SLC12A1: variants seen among roughly 807,000 people sequenced by gnomAD.
SLC12A1 encodes the protein Na-K-2Cl cotransporter.
SLC12A1 carries 89 observed loss-of-function variants against 130.4 expected under a neutral mutation model. The observed-to-expected ratio is 0.68, with a 90% CI of 0.58 to 0.81. The LOEUF is 0.81. Ranked by LOEUF, SLC12A1 falls within the 40% of genes least tolerant of loss-of-function variation. The pLI is 0.00. For missense variants in SLC12A1, 1,310 were observed against 1,336.4 expected, an observed-to-expected ratio of 0.98 and a Z score of 0.31; for synonymous variants, 499 against 460.0, an observed-to-expected ratio of 1.08 and a Z score of -1.09.
At chr15:48,227,576 C>T (rs571000122) in intron 5 of SLC12A1, 11 of 202,788 alleles carry the variant, frequency 5.4e-5, no homozygotes, top group African/African-American at 1.2e-4. Context: ...ACCCAGGCCT[C>T]GGGGCTCACC....
At chr15:48,272,910 C>T (rs80015449) in intron 19 of SLC12A1, among the ~76,000 whole-genome samples, 3 of 151,804 alleles carry the variant, frequency 2.0e-5, no homozygotes, top group East Asian at 2.0e-4. Flanking sequence ...GAGTTTGAGA[C>T]GAACCTGGTC....
At chr15:48,269,210 AATAAC>A (rs1360586375) in intron 18 of SLC12A1, among the ~76,000 whole-genome samples, 7 of 152,214 alleles carry the variant, frequency 4.6e-5, no homozygotes, top group African/African-American at 1.2e-4. Context: ...CTCTTCAATA[AATAAC>A]ATAAGTAGAG....
At chr15:48,232,264 C>T (rs138000960) in intron 7 of SLC12A1, among the ~76,000 whole-genome samples, 5 of 152,214 alleles carry the variant, frequency 3.3e-5, no homozygotes, top group African/African-American at 1.2e-4. Flanking sequence ...ACAGCGGCAG[C>T]CTGACGTCAA....
intron 15 of SLC12A1, among the ~76,000 whole-genome samples, chr15:48,252,274 A>C (rs2041657337): frequency 6.6e-6 from 1 of 152,212 alleles, no homozygotes; most frequent in African/African-American, 2.4e-5. Flanking sequence ...CCATGCACTC[A>C]TTCAATCATC....
chr15:48,293,491 G>C (rs188345395), intron 24 of SLC12A1, among the ~76,000 whole-genome samples: 205 of 152,278 alleles, frequency 1.3e-3, no homozygotes, highest in Non-Finnish European at 1.7e-3. Flanking sequence ...TCACGGTTCT[G>C]TCAGATCTCT....
chr15:48,275,279 C>T (rs1566851992), intron 20 of SLC12A1, among the ~76,000 whole-genome samples: 1 of 152,192 alleles, frequency 6.6e-6, no homozygotes, highest in African/African-American at 2.4e-5. Flanking sequence ...TTTCCCTCTT[C>T]CGCTGAGCTT....
At chr15:48,282,919 T>A (rs1175404219) in intron 20 of SLC12A1, among the ~76,000 whole-genome samples, 1 of 152,164 alleles carries the variant, frequency 6.6e-6, no homozygotes, top group African/African-American at 2.4e-5. Flanking sequence ...ATGAACCCTG[T>A]AACTTGCTGG....
At chr15:48,277,494 A>T (rs959809124) in intron 20 of SLC12A1, among the ~76,000 whole-genome samples, 5 of 152,172 alleles carry the variant, frequency 3.3e-5, no homozygotes, top group Non-Finnish European at 7.4e-5. Context: ...AAAGCAAGAG[A>T]GGAATGGTTT....
intron 2 of SLC12A1, among the ~76,000 whole-genome samples, chr15:48,208,823 T>G (rs920462669): frequency 1.3e-5 from 2 of 152,230 alleles, no homozygotes; most frequent in African/African-American, 4.8e-5. Flanking sequence ...TAGTTAATAC[T>G]GTGGGTGACA....
intron 9 of SLC12A1, among the ~76,000 whole-genome samples, chr15:48,236,019 A>C (rs190893365): frequency 1.3e-5 from 2 of 152,268 alleles, no homozygotes; most frequent in African/African-American, 4.8e-5. Flanking sequence ...ACATGCCCAG[A>C]TAAAATTTTA....
chr15:48,285,169 G>A lies in SLC12A1; in HGVS notation c.2549G>A (p.Cys850Tyr), dbSNP rs950815434. ...ALEATIKDNE[C>Y]EEESGGIRGL... ...GAAGCGACTATCAAAGATAATGAGTGTGAAGAGGAAAGTGGAGGCATCCGA... is the reference window on the plus strand; with the variant it reads ...GAAGCGACTATCAAAGATAATGAGTATGAAGAGGAAAGTGGAGGCATCCGA... Residue 850 changes from cysteine to tyrosine, a missense_variant, in exon 21 of 27, where the codon TGT becomes TAT. Transcript: ENST00000380993. 6 of 1,613,686 alleles carry A rather than the reference G, an allele frequency of 3.7e-6. No individual in the cohort carries two copies. The highest frequency in any genetic ancestry group is 5.1e-6 in the Non-Finnish European group (6 of 1,179,674).
Position 48,207,693 on chromosome 15 carries a change from A to T in SLC12A1, c.-27A>T. Reference sequence around the variant, plus strand: ...TTTTTAAAACAACCACAAAGTAGATAGCTCAGTAAAAAATCAATTTTGGAA... The same window carrying T: ...TTTTTAAAACAACCACAAAGTAGATTGCTCAGTAAAAAATCAATTTTGGAA... On this transcript the variant is annotated 5_prime_UTR_variant, in exon 2 of 27. An upstream open reading frame in the 5' UTR loses its in-frame stop. Transcript: ENST00000380993. 6.6e-7 allele frequency: 1 copy of T among 1,517,702 alleles called. No individual in the cohort carries two copies. Among genetic ancestry groups the T allele is most frequent in the Non-Finnish European group, 8.8e-7 (1 of 1,134,704 alleles). 94.0% of individuals were successfully genotyped at this position (1,517,702 alleles called of 1,614,324 possible). A position where few individuals can be genotyped will look rare whatever the true frequency, so the allele number is the denominator to read the frequency against.
intron 18 of SLC12A1, 62 bp from the exon 19 acceptor site, chr15:48,269,596 A>G: frequency 1.2e-6 from 1 of 837,376 alleles, no homozygotes; most frequent in African/African-American, 1.7e-5. Context: ...ATTATTTTTC[A>G]TTTGTGATGG....
chr15:48,286,484 A>C (rs183826401), intron 21 of SLC12A1, among the ~76,000 whole-genome samples: 1,830 of 152,354 alleles, frequency 0.012, 28 homozygotes, highest in Non-Finnish European at 0.021. Context: ...GAAAAAAGTT[A>C]ACAATCCATT....
intron 5 of SLC12A1, chr15:48,228,471 A>C (rs1734717775): frequency 6.4e-6 from 1 of 156,140 alleles, no homozygotes; most frequent in South Asian, 1.9e-4. Flanking sequence ...ATAGAAAACC[A>C]AGTTTGATTT....
chr15:48,301,381 C>A lies in SLC12A1; in HGVS notation c.3163C>A (p.Leu1055Met). The A allele has an allele frequency of 6.3e-7, 1 of 1,575,194 alleles. No individual in the cohort carries two copies. The highest frequency in any genetic ancestry group is 2.3e-5 in the East Asian group (1 of 43,734). Residue 1055 changes from leucine (L) to methionine (M), a missense_variant and splice_region_variant, in exon 26 of 27, where the codon CTG becomes ATG. Transcript: ENST00000380993. ...EHSRAANLIV[L>M]SLPVARKGSI... ...CTCCAGAGCTGCTAATCTCATTGTC[C>A]TGTAAGTATCATTGCAAGCATTGAA...
At chr15:48,220,595 T>C (rs2141018202) in intron 2 of SLC12A1, 39 bp from the exon 3 acceptor site, 2 of 1,587,372 alleles carry the variant, frequency 1.3e-6, no homozygotes, top group Non-Finnish European at 1.7e-6. Flanking sequence ...CCTTTGTTCA[T>C]TGACCAACTA....
intron 18 of SLC12A1, among the ~76,000 whole-genome samples, chr15:48,268,621 C>T (rs1420366015): frequency 6.6e-6 from 1 of 152,132 alleles, no homozygotes; most frequent in Admixed American, 6.6e-5. Flanking sequence ...CCCTTAAGAA[C>T]ACTTGCGAAG....
At chr15:48,220,265 A>G (rs755197907) in intron 2 of SLC12A1, among the ~76,000 whole-genome samples, 3 of 152,114 alleles carry the variant, frequency 2.0e-5, no homozygotes, top group African/African-American at 4.8e-5. Flanking sequence ...TGGTCGTAAC[A>G]TGACTTCCAA....
Sources: allele counts gnomAD v4.1 joint callset (sites outside exome capture counted in the v4.1 genomes callset), GRCh38; gene constraint gnomAD v4.1.1; transcripts MANE v1.5; gene names NCBI Gene and HGNC (gene_info 2026-07-23, HGNC 2026-07-21).